Variants in LRRC37A3 observed in about 807,000 individuals in gnomAD.
LRRC37A3 encodes the protein leucine rich repeat containing 37 member A3, also known as leucine-rich repeat-containing protein 37A3.
LRRC37A3 carries 25 observed loss-of-function variants against 106.2 expected under a neutral mutation model. The ratio of observed to expected loss-of-function variants is 0.24; its 90% CI spans 0.17 to 0.33. The LOEUF is 0.33. Among genes scored for constraint, LRRC37A3 ranks in the 10% least tolerant of loss-of-function variants. The pLI, the probability that LRRC37A3 is intolerant of heterozygous loss-of-function variation, is 1.00. For synonymous variants in LRRC37A3, 305 were observed against 635.8 expected (o/e 0.48, Z 7.83); for missense variants, 712 against 1,644.9 (o/e 0.43, Z 9.81).
At chr17:64,869,645 C>T (rs545974187) in intron 8 of LRRC37A3, among the ~76,000 whole-genome samples, 49 of 149,146 alleles carry the variant, frequency 3.3e-4, no homozygotes, top group African/African-American at 1.2e-3. Flanking sequence ...AAGTGATTCT[C>T]CTGTTCTGCC....
intron 9 of LRRC37A3, among the ~76,000 whole-genome samples, 196 bp from the exon 10 acceptor site, chr17:64,868,732 C>CT (rs368133732): frequency 0.045 from 6,139 of 136,808 alleles, 326 homozygotes; most frequent in African/African-American, 0.13. Context: ...AGAACTTACA[C>CT]TTTTTTTTTT....
At chr17:64,883,903 GAGTGCT>G (rs1188874954) in intron 8 of LRRC37A3, among the ~76,000 whole-genome samples, 1 of 136,354 alleles carries the variant, frequency 7.3e-6, no homozygotes, top group Non-Finnish European at 1.6e-5. Flanking sequence ...TATATGAAAT[GAGTGCT>G]AGTTTCCAAT....
Position 64,871,027 on chromosome 17 carries a change from G to A in LRRC37A3, c.2907-1861C>T, listed in dbSNP as rs900623485. On this transcript the variant is annotated intron_variant, in intron 8 of 14. Coordinates refer to ENST00000584306, the MANE Select transcript of LRRC37A3 (RefSeq NM_199340.5). ...TGGGACTATAGGCACGCACCACCAC[G>A]CCTGGCTATTTTTTGTGTTTTTAGT... 7.7e-4 allele frequency among the ~76,000 whole-genome samples: 117 copies of A among 151,176 alleles called. 1 individual carries two copies. The highest frequency in any genetic ancestry group is 2.7e-3 in the African/African-American group (110 of 41,066).
chr17:64,876,258 C>T (rs1292205090), intron 8 of LRRC37A3, among the ~76,000 whole-genome samples: 1 of 152,262 alleles, frequency 6.6e-6, no homozygotes, highest in South Asian at 2.1e-4. Context: ...TCATGGCTCA[C>T]TGCAGCCCCA....
chr17:64,855,924 T>C, intron 13 of LRRC37A3, 35 bp from the exon 14 acceptor site: 1 of 1,611,560 alleles, frequency 6.2e-7, no homozygotes, highest in Non-Finnish European at 8.5e-7. Flanking sequence ...AGATTATCTA[T>C]GACAACAACC....
chr17:64,858,511 A>T (rs1972757441), intron 13 of LRRC37A3, among the ~76,000 whole-genome samples: 1 of 152,214 alleles, frequency 6.6e-6, no homozygotes. Context: ...TTTGGGTGGG[A>T]GAAATTTTGC....
intron 8 of LRRC37A3, among the ~76,000 whole-genome samples, chr17:64,880,451 G>A (rs759868202): frequency 2.0e-5 from 3 of 152,150 alleles, no homozygotes; most frequent in East Asian, 3.9e-4. Flanking sequence ...GCCCAGCCTC[G>A]AGTGTTTTTA....
At chr17:64,857,037 A>G (rs1347153181) in intron 13 of LRRC37A3, among the ~76,000 whole-genome samples, 6 of 152,172 alleles carry the variant, frequency 3.9e-5, no homozygotes, top group Non-Finnish European at 8.8e-5. Flanking sequence ...GGAAGGAAAG[A>G]GTAGAAGTAT....
At chr17:64,882,473 A>T (rs1200347589) in intron 8 of LRRC37A3, among the ~76,000 whole-genome samples, 1 of 152,194 alleles carries the variant, frequency 6.6e-6, no homozygotes, top group Non-Finnish European at 1.5e-5. Context: ...AAATTTAAAC[A>T]GCCACCCTAA....
intron 8 of LRRC37A3, among the ~76,000 whole-genome samples, chr17:64,880,722 A>G (rs1378444175): frequency 2.0e-5 from 3 of 152,026 alleles, no homozygotes; most frequent in African/African-American, 4.8e-5. Context: ...GAACAATGGG[A>G]CAGAATAAAG....
chr17:64,866,256 G>A (rs187733427), intron 10 of LRRC37A3, among the ~76,000 whole-genome samples: 2 of 152,020 alleles, frequency 1.3e-5, no homozygotes, highest in South Asian at 2.1e-4. Context: ...AGAGAGGAAG[G>A]GATCCAGCTG....
chr17:64,875,342 C>A (rs890756377), intron 8 of LRRC37A3, among the ~76,000 whole-genome samples: 16 of 152,314 alleles, frequency 1.1e-4, no homozygotes, highest in Non-Finnish European at 2.2e-4. Flanking sequence ...ATTCAAAGTT[C>A]TGAAGAAACT....
At chr17:64,858,941 G>T in intron 12 of LRRC37A3, 58 bp from the exon 13 acceptor site, 3 of 1,184,286 alleles carry the variant, frequency 2.5e-6, no homozygotes, top group South Asian at 2.6e-5. Context: ...TATTCCAGGT[G>T]AGTAGCTTAC....
At position 64,860,917 on chromosome 17, in the gene LRRC37A3, G is replaced by A. The variant is rs550245467; in HGVS notation, c.3229C>T (p.Arg1077Trp). Reference protein sequence around the residue: ...EGAFMKVLQARKNYTSTELII... With the variant: ...EGAFMKVLQAWKNYTSTELII... ...AGCTCAGTGCTTGTGTAATTCTTCC[G>A]GGCTTGTAACACCTTCATGAACGCT... The change falls in exon 12 of 15, where the codon CGG becomes TGG. Residue 1077 changes from arginine (R) to tryptophan (W), a missense_variant. Physicochemically the swap from Arg to Trp is moderately radical, Grantham distance 101 (BLOSUM62 -3). Transcript: ENST00000584306. 1.8e-5 allele frequency: 29 copies of A among 1,614,026 alleles called. No individual in the cohort carries two copies. The highest frequency in any genetic ancestry group is 9.3e-5 in the African/African-American group (7 of 75,000).
intron 2 of LRRC37A3, among the ~76,000 whole-genome samples, chr17:64,908,925 C>A (rs1974523209): frequency 6.6e-6 from 1 of 150,836 alleles, no homozygotes; most frequent in African/African-American, 2.5e-5. Flanking sequence ...AGTACCACCA[C>A]CATGCCCAGC....
intron 10 of LRRC37A3, among the ~76,000 whole-genome samples, chr17:64,866,076 A>G (rs1160729194): frequency 6.6e-6 from 1 of 152,008 alleles, no homozygotes; most frequent in Middle Eastern, 3.2e-3. Context: ...ACTTCCAATA[A>G]TGAACTCCCA....
At chr17:64,914,884 A>C (rs1457012727) in intron 2 of LRRC37A3, among the ~76,000 whole-genome samples, 3 of 148,442 alleles carry the variant, frequency 2.0e-5, no homozygotes. Flanking sequence ...GGCCAAGGGC[A>C]GAAAGACAAG....
chr17:64,910,030 C>T (rs1319798449), intron 2 of LRRC37A3: 3 of 152,144 alleles, frequency 2.0e-5, no homozygotes, highest in African/African-American at 7.2e-5. Context: ...TTCTGTAATA[C>T]AAGAAGGATC....
Position 64,854,623 on chromosome 17 carries a change from C to T in LRRC37A3, c.4881G>A (p.Glu1627=), listed in dbSNP as rs754913382. The change falls in exon 15 of 15, where the codon GAG becomes GAA. Residue 1627 remains glutamate (E), a synonymous_variant. Transcript: ENST00000584306. ...CCTATGGCAGGGCTTCACTCTCCTC[C>T]TCCGTTGGGGCTTCGCTGTCCCTGG... ...GFSRDSEAPT[E]EESEALP The T allele has an allele frequency of 1.2e-6, 2 of 1,613,834 alleles. No homozygotes were observed. The highest frequency in any genetic ancestry group is 3.3e-5 in the Admixed American group (2 of 60,008).
Sources: gnomAD v4.1 joint callset for allele counts (sites outside exome capture counted in the v4.1 genomes callset) on GRCh38, gnomAD v4.1.1 for gene constraint, MANE v1.5 for transcripts, NCBI Gene and HGNC (gene_info 2026-07-23, HGNC 2026-07-21) for gene names.